SULT2B1: variants seen among roughly 807,000 people sequenced by gnomAD.
SULT2B1 encodes sulfotransferase family 2B member 1, also known as sulfotransferase 2B1.
A neutral mutation model predicts 33.2 loss-of-function variants in SULT2B1; 16 were observed. The ratio of observed to expected loss-of-function variants is 0.48; its 90% confidence interval spans 0.33 to 0.73. The LOEUF (loss-of-function observed/expected upper bound fraction) is 0.73, where lower values mean the gene tolerates loss of function less well. Among genes scored for constraint, SULT2B1 ranks in the 30% least tolerant of loss-of-function variants. The pLI is 0.02. For missense variants in SULT2B1, 500 were observed against 506.0 expected, an observed-to-expected ratio of 0.99 and a Z score of 0.11; for synonymous variants, 186 against 200.5, an observed-to-expected ratio of 0.93 and a Z score of 0.61.
chr19:48,592,991 C>A (rs898511299), intron 5 of SULT2B1, among the ~76,000 whole-genome samples, 175 bp downstream of exon 5: 2 of 152,168 alleles, frequency 1.3e-5, no homozygotes, highest in African/African-American at 2.4e-5. Flanking sequence ...AGACCACAGA[C>A]AAAATCCCTA....
chr19:48,572,388 C>A (rs12976976), intron 1 of SULT2B1, among the ~76,000 whole-genome samples: 81,902 of 151,780 alleles, frequency 0.54, 22,773 homozygotes, highest in South Asian at 0.67. Context: ...TGGCATGCAC[C>A]TGTAGTGCTA....
intron 1 of SULT2B1, among the ~76,000 whole-genome samples, chr19:48,571,961 G>A (rs543447817): frequency 4.3e-4 from 65 of 152,286 alleles, no homozygotes; most frequent in African/African-American, 1.5e-3. Flanking sequence ...GACCTTAGGG[G>A]ACTATATTAA....
At chr19:48,592,008 CAG>C (rs1053964544) in intron 4 of SULT2B1, among the ~76,000 whole-genome samples, 2 of 151,704 alleles carry the variant, frequency 1.3e-5, no homozygotes, top group African/African-American at 4.9e-5. Context: ...ACAAAAGAGA[CAG>C]GGGCCCGGCA....
chr19:48,566,766 CG>C (rs889884144), intron 1 of SULT2B1, among the ~76,000 whole-genome samples: 2 of 151,528 alleles, frequency 1.3e-5, no homozygotes, highest in African/African-American at 4.9e-5. Context: ...CACTTGAACC[CG>C]GGAGGCAGAG....
intron 5 of SULT2B1, among the ~76,000 whole-genome samples, chr19:48,595,615 G>A (rs1009218569): frequency 1.3e-5 from 2 of 151,718 alleles, no homozygotes; most frequent in Admixed American, 6.6e-5. Flanking sequence ...GGTGGGAAAG[G>A]TATTGGAAGA....
chr19:48,586,181 C>T (rs1335447728), intron 2 of SULT2B1, among the ~76,000 whole-genome samples: 1 of 152,120 alleles, frequency 6.6e-6, no homozygotes, highest in Non-Finnish European at 1.5e-5. Context: ...GTGATCACAC[C>T]ACTGCACTCC....
intron 1 of SULT2B1, among the ~76,000 whole-genome samples, chr19:48,568,996 C>T (rs992738516): frequency 3.3e-5 from 5 of 152,140 alleles, no homozygotes; most frequent in African/African-American, 9.7e-5. Context: ...CTGACGCCAC[C>T]GTTCTAGCAG....
intron 1 of SULT2B1, among the ~76,000 whole-genome samples, chr19:48,571,186 A>AATTTATTTATTT (rs745593519): frequency 4.8e-5 from 7 of 144,584 alleles, no homozygotes; most frequent in African/African-American, 7.8e-5. Context: ...ATGCCTGGCT[A>AATTTATTTATTT]ATTTATTTAT....
chr19:48,565,374 G>C (rs898912393), intron 1 of SULT2B1, among the ~76,000 whole-genome samples: 1 of 151,764 alleles, frequency 6.6e-6, no homozygotes, highest in Non-Finnish European at 1.5e-5. Context: ...GTGAGAGAGA[G>C]AGACAGAGAG....
intron 3 of SULT2B1, among the ~76,000 whole-genome samples, chr19:48,589,540 A>AG (rs904691543): frequency 2.0e-5 from 3 of 152,200 alleles, no homozygotes; most frequent in Admixed American, 6.5e-5. Context: ...CAGAGCAGAG[A>AG]GGGGGGGCTG....
At chr19:48,568,269 G>A (rs757790768) in intron 1 of SULT2B1, among the ~76,000 whole-genome samples, 46 of 146,004 alleles carry the variant, frequency 3.2e-4, no homozygotes, top group Non-Finnish European at 4.9e-4. Context: ...CTGTGCAACA[G>A]AGTGAGACTC....
chr19:48,558,833 C>T (rs1048150842), intron 1 of SULT2B1, among the ~76,000 whole-genome samples: 36 of 151,422 alleles, frequency 2.4e-4, no homozygotes, highest in African/African-American at 8.2e-4. Flanking sequence ...TACAGGCGTG[C>T]GCCACCACGC....
intron 1 of SULT2B1, among the ~76,000 whole-genome samples, chr19:48,556,018 G>A (rs1973095480): frequency 6.6e-6 from 1 of 152,198 alleles, no homozygotes; most frequent in South Asian, 2.1e-4. Context: ...GGGATTACAG[G>A]TGTGAGCCAC....
Position 48,575,995 on chromosome 19 carries a change from C to A in SULT2B1, c.126C>A (p.Gly42=). The A allele has an allele frequency of 6.2e-7, 1 of 1,614,010 alleles. No homozygotes were observed. The change falls in exon 2 of 7, where the codon GGC becomes GGA. Residue 42 remains glycine (G), a synonymous_variant. Coordinates refer to ENST00000201586, the MANE Select transcript of SULT2B1 (RefSeq NM_177973.2). ...ACAAGGGCGTCCCCTTCCCCGTCGG[C>A]CTGTACTCGCTCGAGAGCATCAGCT... ...FRYKGVPFPV[G]LYSLESISLA... is the part of the protein sequence containing the mutation.
chr19:48,561,546 A>C lies in SULT2B1; in HGVS notation c.71+9223A>C, dbSNP rs1050034390. 2.0e-4 allele frequency among the ~76,000 whole-genome samples: 27 copies of C among 135,738 alleles called. 1 individual carries two copies. Among genetic ancestry groups the C allele is most frequent in the Admixed American group, 1.6e-3 (23 of 13,976 alleles). 89.0% of individuals were successfully genotyped at this position (135,738 alleles called of 152,430 possible). The stretch of plus-strand genomic sequence containing the variant: ...GGAGGTGTTTGAGAGAAAGGAGGAG[A>C]GAAAAAAAGTGAAGAGCCCCAGGCG... On this transcript the variant is annotated intron_variant, in intron 1 of 6. Transcript: ENST00000201586.
chr19:48,568,278 TC>T (rs1291725501), intron 1 of SULT2B1, among the ~76,000 whole-genome samples: 1 of 125,516 alleles, frequency 8.0e-6, no homozygotes, highest in Non-Finnish European at 1.6e-5. Context: ...AGAGTGAGAC[TC>T]CATCTCAAAA....
chr19:48,569,347 A>G lies in SULT2B1; in HGVS notation c.72-6594A>G, dbSNP rs12981151. Among the ~76,000 whole-genome samples, 87 of 11,748 alleles carry G rather than the reference A, an allele frequency of 7.4e-3. 5 individuals are homozygous for G. Among genetic ancestry groups the G allele is most frequent in the African/African-American group, 0.017 (18 of 1,064 alleles). The allele number at this position is 11,748 out of a possible 152,430, so 7.7% of individuals were successfully genotyped here. On this transcript the variant is annotated intron_variant, in intron 1 of 6. Coordinates refer to ENST00000201586, the MANE Select transcript of SULT2B1 (RefSeq NM_177973.2). ...ACAGAGAGAGACTCCGTCTCAAAAA[A>G]AAAAAAAAAAAAAAACATATATATA...
At chr19:48,580,205 T>G (rs1973467950) in intron 2 of SULT2B1, among the ~76,000 whole-genome samples, 1 of 151,994 alleles carries the variant, frequency 6.6e-6, no homozygotes, top group African/African-American at 2.4e-5. Context: ...GTGTTAGGAT[T>G]ATAGGAGTGA....
At chr19:48,594,485 T>TC (rs1248951131) in intron 5 of SULT2B1, among the ~76,000 whole-genome samples, 1 of 152,076 alleles carries the variant, frequency 6.6e-6, no homozygotes, top group Non-Finnish European at 1.5e-5. Flanking sequence ...GTGCTACTCC[T>TC]CCCCCTCTTT....
Sources: allele counts gnomAD v4.1 joint callset (sites outside exome capture counted in the v4.1 genomes callset), GRCh38; gene constraint gnomAD v4.1.1; transcripts MANE v1.5; gene names NCBI Gene and HGNC (gene_info 2026-07-23, HGNC 2026-07-21).